COX7B2: variants seen among roughly 807,000 people sequenced by gnomAD.
COX7B2 encodes cytochrome c oxidase subunit 7B2, also known as cytochrome c oxidase subunit 7B2, mitochondrial.
For synonymous variants in COX7B2, 37 were observed against 32.1 expected, an observed-to-expected ratio of 1.15 and a Z score of -0.51; for missense variants, 109 against 95.9, an observed-to-expected ratio of 1.14 and a Z score of -0.57.
chr4:46,814,773 C>G (rs1201805690), intron 2 of COX7B2, among the ~76,000 whole-genome samples: 2 of 152,164 alleles, frequency 1.3e-5, no homozygotes, highest in Non-Finnish European at 2.9e-5. Flanking sequence ...TATTTATGAT[C>G]ATTTACAGTA....
At chr4:46,814,951 C>T (rs142025948) in intron 2 of COX7B2, among the ~76,000 whole-genome samples, 1 of 152,074 alleles carries the variant, frequency 6.6e-6, no homozygotes, top group Admixed American at 6.5e-5. Flanking sequence ...TTTGGGTGGC[C>T]GAAGTGGGCG....
intron 1 of COX7B2, chr4:46,903,937 T>A (rs1458440930): frequency 6.6e-6 from 1 of 152,166 alleles, no homozygotes; most frequent in Non-Finnish European, 1.5e-5. Flanking sequence ...CTGTAGTTCC[T>A]CCAGGGATTC....
chr4:46,774,535 A>G (rs1717050486), intron 2 of COX7B2, among the ~76,000 whole-genome samples: 1 of 152,076 alleles, frequency 6.6e-6, no homozygotes, highest in Non-Finnish European at 1.5e-5. Context: ...TCTTATCTAT[A>G]TATCATTGGT....
intron 1 of COX7B2, among the ~76,000 whole-genome samples, chr4:46,875,288 C>A (rs1312842500): frequency 2.6e-5 from 4 of 152,118 alleles, no homozygotes; most frequent in Non-Finnish European, 5.9e-5. Flanking sequence ...TGGATTTTAA[C>A]ATGTTTCTTT....
intron 1 of COX7B2, among the ~76,000 whole-genome samples, chr4:46,888,438 T>C (rs940165850): frequency 6.6e-6 from 1 of 151,914 alleles, no homozygotes; most frequent in African/African-American, 2.4e-5. Flanking sequence ...ATTATGTTTC[T>C]TCCTTTTTTT....
At chr4:46,890,522 C>G (rs1038246061) in intron 1 of COX7B2, among the ~76,000 whole-genome samples, 1 of 152,150 alleles carries the variant, frequency 6.6e-6, no homozygotes, top group Non-Finnish European at 1.5e-5. Context: ...TCTCACAGAT[C>G]TTACATTTTA....
intron 2 of COX7B2, among the ~76,000 whole-genome samples, chr4:46,782,217 C>A (rs112935350): frequency 6.6e-6 from 1 of 152,114 alleles, no homozygotes; most frequent in African/African-American, 2.4e-5. Context: ...TTTGTGGATG[C>A]ACCAATCAGC....
At chr4:46,739,596 G>A (rs1194003794) in intron 2 of COX7B2, among the ~76,000 whole-genome samples, 1 of 152,036 alleles carries the variant, frequency 6.6e-6, no homozygotes, top group Non-Finnish European at 1.5e-5. Flanking sequence ...AGGAGGGGGC[G>A]TTTTATCCTG....
Position 46,735,035 on chromosome 4 carries a change from G to A in COX7B2, c.158C>T (p.Thr53Ile), listed in dbSNP as rs775458548. 6 of 1,614,044 alleles carry A rather than the reference G, an allele frequency of 3.7e-6. No homozygotes were observed. Among genetic ancestry groups the A allele is most frequent in the Non-Finnish European group, 3.4e-6 (4 of 1,179,948 alleles). Residue 53 changes from threonine to isoleucine, a missense_variant, in exon 3 of 3, where the codon ACA (threonine) becomes ATA (isoleucine). Transcript: ENST00000355591. ...AATCTGAGTGGCTGTAAACACCCATGTAGCAACACAGAAAGCAGTTCCACT... is the reference window on the plus strand; with the variant it reads ...AATCTGAGTGGCTGTAAACACCCATATAGCAACACAGAAAGCAGTTCCACT... The part of the protein sequence containing the change: ...LASGTAFCVA[T>I]WVFTATQIGI...
intron 1 of COX7B2, among the ~76,000 whole-genome samples, chr4:46,871,285 C>A (rs919327535): frequency 1.3e-5 from 2 of 152,104 alleles, no homozygotes; most frequent in African/African-American, 4.8e-5. Context: ...AACTGGCTAG[C>A]CATCTGCAGA....
chr4:46,862,646 C>G (rs1717407182), intron 1 of COX7B2, among the ~76,000 whole-genome samples: 1 of 152,032 alleles, frequency 6.6e-6, no homozygotes. Context: ...ATTGTTGGTT[C>G]AATAAAAACA....
chr4:46,820,852 TAG>T lies in COX7B2; in HGVS notation c.-50+24106_-50+24107del, dbSNP rs1242246976. ...AAAAAAAAATATATATATATATATATAGATAGATAGATATTACAGCAGTAGGC... is the reference window on the plus strand; with the variant it reads ...AAAAAAAAATATATATATATATATATATAGATAGATATTACAGCAGTAGGC... On this transcript the variant is annotated intron_variant, in intron 2 of 2. Transcript: ENST00000355591. Among the ~76,000 whole-genome samples the T allele has an allele frequency of 8.8e-5, 13 of 148,212 alleles. No individual in the cohort carries two copies. In the South Asian group the frequency reaches 1.1e-3, roughly 12 times the overall value.
chr4:46,842,673 T>C (rs1716014418), intron 2 of COX7B2, among the ~76,000 whole-genome samples: 1 of 152,026 alleles, frequency 6.6e-6, no homozygotes, highest in South Asian at 2.1e-4. Flanking sequence ...GTCCTTGCGA[T>C]AGTTTGCTGA....
chr4:46,880,167 C>A (rs559693406), intron 1 of COX7B2, among the ~76,000 whole-genome samples: 1 of 152,130 alleles, frequency 6.6e-6, no homozygotes, highest in South Asian at 2.1e-4. Flanking sequence ...CTGCTGGATT[C>A]GGTTTACAAG....
intron 2 of COX7B2, among the ~76,000 whole-genome samples, chr4:46,836,729 C>T (rs2109743780): frequency 6.6e-6 from 1 of 152,132 alleles, no homozygotes; most frequent in Non-Finnish European, 1.5e-5. Flanking sequence ...TTTGTTATGA[C>T]TGACAGTACA....
At chr4:46,905,194 T>C (rs531899939) in intron 1 of COX7B2, among the ~76,000 whole-genome samples, 155 of 152,190 alleles carry the variant, frequency 1.0e-3, no homozygotes, top group African/African-American at 3.4e-3. Flanking sequence ...AAATAGAACC[T>C]GTAGGCATGG....
intron 2 of COX7B2, among the ~76,000 whole-genome samples, chr4:46,749,298 A>C (rs1715205512): frequency 6.6e-6 from 1 of 152,126 alleles, no homozygotes; most frequent in Non-Finnish European, 1.5e-5. Context: ...ATTTTAAAAT[A>C]TCTCAAATCT....
intron 1 of COX7B2, among the ~76,000 whole-genome samples, chr4:46,879,320 AT>A (rs1024359904): frequency 5.3e-5 from 8 of 151,088 alleles, no homozygotes; most frequent in South Asian, 2.1e-4. Context: ...ACTGTGTCTA[AT>A]TTTTTTTTCT....
At chr4:46,847,188 G>A (rs1311993994) in intron 1 of COX7B2, among the ~76,000 whole-genome samples, 2 of 152,096 alleles carry the variant, frequency 1.3e-5, no homozygotes, top group Non-Finnish European at 1.5e-5. Context: ...TCACATCCCT[G>A]TATGATTCCC....
Sources: allele counts gnomAD v4.1 joint callset (sites outside exome capture counted in the v4.1 genomes callset), GRCh38; gene constraint gnomAD v4.1.1; transcripts MANE v1.5; gene names NCBI Gene and HGNC (gene_info 2026-07-23, HGNC 2026-07-21).